Variants in SV2B observed in about 807,000 individuals in gnomAD.
The protein encoded by SV2B is synaptic vesicle glycoprotein 2B.
A neutral mutation model predicts 73.9 loss-of-function variants in SV2B; 41 were observed. The observed-to-expected ratio is 0.56, with a 90% CI of 0.43 to 0.72. The LOEUF is 0.72. SV2B is among the 30% of genes least tolerant of loss of function. SV2B has a pLI of 0.00. For missense variants in SV2B, 764 were observed against 857.8 expected (o/e 0.89, Z 1.37); for synonymous variants, 314 against 314.2 (o/e 1.00, Z 0.01).
chr15:91,202,453 TC>T (rs1269166304), intron 1 of SV2B, among the ~76,000 whole-genome samples: 1 of 152,256 alleles, frequency 6.6e-6, no homozygotes, highest in African/African-American at 2.4e-5. Flanking sequence ...CTTCTTATTT[TC>T]ACAAGATCTC....
chr15:91,120,872 C>A (rs1166254047), intron 1 of SV2B, among the ~76,000 whole-genome samples: 1 of 150,160 alleles, frequency 6.7e-6, no homozygotes, highest in Non-Finnish European at 1.5e-5. Context: ...GAACTTAATA[C>A]AATCTAGGCT....
rs756418200 is a variant in SV2B at position 91,130,599 on chromosome 15, C to G, written c.-392+30236C>G. On this transcript the variant is annotated intron_variant, in intron 1 of 12. Transcript: ENST00000394232. The surrounding 1 kb of genome is among the most constrained non-coding windows in gnomAD (Gnocchi z 5.6). ...GATTCCAAAGCAGGAGGGGTCTGAC[C>G]AAGTAGGTGTTCACGGAGGACAGGG... Among the ~76,000 whole-genome samples the G allele has an allele frequency of 5.9e-5, 9 of 151,926 alleles. No homozygotes were observed. The highest frequency in any genetic ancestry group is 2.6e-4 in the Admixed American group (4 of 15,238).
rs1195780379 is a variant in SV2B at position 91,197,538 on chromosome 15, T to C, written c.-391-28335T>C. On this transcript the variant is annotated intron_variant, in intron 1 of 12. Transcript: ENST00000394232. This position sits in a 1 kb window ranked among gnomAD's most constrained non-coding sequence, Gnocchi z 4.9. ...CGCGCCCAGCCATCATTGTTTTTAATAGAAGAAAAAAAAAACCAAACCAAA... is the reference window on the plus strand; with the variant it reads ...CGCGCCCAGCCATCATTGTTTTTAACAGAAGAAAAAAAAAACCAAACCAAA... 6.8e-6 allele frequency among the ~76,000 whole-genome samples: 1 copy of C among 147,092 alleles called. No individual in the cohort carries two copies. Among genetic ancestry groups the C allele is most frequent in the Non-Finnish European group, 1.5e-5 (1 of 67,126 alleles).
intron 1 of SV2B, among the ~76,000 whole-genome samples, chr15:91,179,936 T>C (rs1195046500): frequency 6.6e-6 from 1 of 151,398 alleles, no homozygotes; most frequent in East Asian, 2.0e-4. Flanking sequence ...CCTGTCGTTA[T>C]GATGTTAGCT....
At chr15:91,162,519 G>A (rs12916133) in intron 1 of SV2B, among the ~76,000 whole-genome samples, 53,553 of 130,268 alleles carry the variant, frequency 0.41, 10,116 homozygotes, top group East Asian at 0.67. Context: ...AGAAACATAA[G>A]ATAACACCTA....
intron 1 of SV2B, among the ~76,000 whole-genome samples, chr15:91,117,649 G>C (rs962270314): frequency 6.6e-6 from 1 of 152,184 alleles, no homozygotes; most frequent in African/African-American, 2.4e-5. Flanking sequence ...AACTGTCCTA[G>C]TATATTTAAA....
rs749332732 is a variant in SV2B at position 91,299,003 on chromosome 15, C to T, written c.*6451C>T. ...GGCCTATAAAAATAGCTTTCCAATT[C>T]GCCACCAAAAATGCAAAAATGACAA... is the stretch of plus-strand genomic sequence containing the variant. On this transcript the variant is annotated 3_prime_UTR_variant, in exon 13 of 13. Coordinates refer to ENST00000394232, the MANE Select transcript of SV2B (RefSeq NM_001323032.3). The T allele has an allele frequency of 1.3e-5, 2 of 152,076 alleles. No homozygotes were observed. Among genetic ancestry groups the T allele is most frequent in the African/African-American group, 2.4e-5 (1 of 41,392 alleles). The allele number at this position is 152,076 out of a possible 1,614,324, so 9.4% of individuals were successfully genotyped here.
At chr15:91,263,355 C>T (rs1390669858) in intron 6 of SV2B, among the ~76,000 whole-genome samples, 1 of 151,870 alleles carries the variant, frequency 6.6e-6, no homozygotes, top group African/African-American at 2.4e-5. Flanking sequence ...TGAAGACAGA[C>T]ACACAGACAC....
chr15:91,136,009 C>T lies in SV2B; in HGVS notation c.-392+35646C>T, dbSNP rs1357938524. On this transcript the variant is annotated intron_variant, in intron 1 of 12. Transcript: ENST00000394232. The surrounding 1 kb of genome is among the most constrained non-coding windows in gnomAD (Gnocchi z 5.6). ...CTCCCACTGCCTCTTCCCCAACACA[C>T]ACACTTGATTTTTTTTTTGGCATGT... Among the ~76,000 whole-genome samples the T allele has an allele frequency of 6.6e-6, 1 of 152,054 alleles. No homozygotes were observed. Among genetic ancestry groups the T allele is most frequent in the Non-Finnish European group, 1.5e-5 (1 of 68,040 alleles).
intron 1 of SV2B, among the ~76,000 whole-genome samples, chr15:91,131,576 A>T (rs934817020): frequency 6.6e-6 from 1 of 152,012 alleles, no homozygotes; most frequent in African/African-American, 2.4e-5. Context: ...AGGTAAAGGC[A>T]GAAGGATTGC....
Position 91,139,654 on chromosome 15 carries a change from G to A in SV2B, c.-392+39291G>A, listed in dbSNP as rs1381996427. The stretch of plus-strand genomic sequence containing the variant: ...GTCAGAGAAGGCAAAAGCAAATTCT[G>A]TCTGAAAGAGAGCACCCTCCATTTA... On this transcript the variant is annotated intron_variant, in intron 1 of 12. Transcript: ENST00000394232. This position sits in a 1 kb window ranked among gnomAD's most constrained non-coding sequence, Gnocchi z 5.2. 6.6e-6 allele frequency among the ~76,000 whole-genome samples: 1 copy of A among 152,196 alleles called. No homozygotes were observed. The highest frequency in any genetic ancestry group is 6.5e-5 in the Admixed American group (1 of 15,270).
chr15:91,156,578 C>T (rs1348872113), intron 1 of SV2B, among the ~76,000 whole-genome samples: 7 of 152,134 alleles, frequency 4.6e-5, no homozygotes, highest in Admixed American at 6.5e-5. Context: ...TGGGAAGCTG[C>T]GCAGGAGAGA....
Position 91,128,870 on chromosome 15 carries a change from A to G in SV2B, c.-392+28507A>G, listed in dbSNP as rs914038333. 1.4e-4 allele frequency: 21 copies of G among 152,214 alleles called. No individual in the cohort carries two copies. Among genetic ancestry groups the G allele is most frequent in the African/African-American group, 5.1e-4 (21 of 41,454 alleles). 9.4% of individuals were successfully genotyped at this position (152,214 alleles called of 1,614,324 possible). On this transcript the variant is annotated intron_variant, in intron 1 of 12. Coordinates refer to ENST00000394232, the MANE Select transcript of SV2B (RefSeq NM_001323032.3). This position sits in a 1 kb window ranked among gnomAD's most constrained non-coding sequence, Gnocchi z 4.2. The stretch of plus-strand genomic sequence containing the variant: ...CACTAGATCCTATCCTTTTTGTCCA[A>G]TCATATTTCTCCATGGCTGTCTATA...
At chr15:91,158,136 C>A (rs1233068679) in intron 1 of SV2B, among the ~76,000 whole-genome samples, 1 of 152,106 alleles carries the variant, frequency 6.6e-6, no homozygotes, top group Non-Finnish European at 1.5e-5. Flanking sequence ...AATTTGACTC[C>A]CAATGTGATG....
chr15:91,271,988 C>T lies in SV2B; in HGVS notation c.1373+3383C>T, dbSNP rs1025680620. ...ATTATTTTTTGTAAACAGAGCTTCA[C>T]CCACGGAAGTTGTTGACAAAGGAAA... On this transcript the variant is annotated intron_variant, in intron 9 of 12. Coordinates refer to ENST00000394232, the MANE Select transcript of SV2B (RefSeq NM_001323032.3). Among the ~76,000 whole-genome samples, 10 of 152,178 alleles carry T rather than the reference C, an allele frequency of 6.6e-5. No individual in the cohort carries two copies. The East Asian group carries it at 1.9e-3, about 29-fold the overall frequency.
chr15:91,251,254 AAG>A (rs2047470538), intron 2 of SV2B, among the ~76,000 whole-genome samples: 1 of 152,252 alleles, frequency 6.6e-6, no homozygotes, highest in Non-Finnish European at 1.5e-5. Flanking sequence ...TTACATGCAG[AAG>A]AATGAAACTG....
intron 9 of SV2B, among the ~76,000 whole-genome samples, chr15:91,271,356 T>C (rs2048313285): frequency 6.6e-6 from 1 of 152,124 alleles, no homozygotes; most frequent in Non-Finnish European, 1.5e-5. Context: ...GTAGTGACAA[T>C]GAAATTGCTA....
In SV2B at chr15:91,267,043, G is replaced by A. The variant is rs1296596125; in HGVS notation, c.1119+351G>A. On this transcript the variant is annotated intron_variant, in intron 7 of 12. Coordinates refer to ENST00000394232, the MANE Select transcript of SV2B (RefSeq NM_001323032.3). This position sits in a 1 kb window ranked among gnomAD's most constrained non-coding sequence, Gnocchi z 4.3. The stretch of plus-strand genomic sequence containing the variant: ...GTGAGTAAAATAAATGACCCCTTGA[G>A]GCTTGTTCTTGATTTCCAAGAAACA... 5.2e-6 allele frequency: 1 copy of A among 194,092 alleles called. No individual in the cohort carries two copies. Among genetic ancestry groups the A allele is most frequent in the Non-Finnish European group, 1.0e-5 (1 of 95,570 alleles). The allele number at this position is 194,092 out of a possible 1,614,324, so 12.0% of individuals were successfully genotyped here. A position where few individuals can be genotyped will look rare whatever the true frequency, so the allele number is the denominator to read the frequency against.
At chr15:91,131,139 GT>G (rs2042631386) in intron 1 of SV2B, among the ~76,000 whole-genome samples, 1 of 124,822 alleles carries the variant, frequency 8.0e-6, no homozygotes, top group Non-Finnish European at 1.7e-5. Flanking sequence ...GGGAAAAGAT[GT>G]TTTCTTGTTT....
Sources: allele counts gnomAD v4.1 joint callset (sites outside exome capture counted in the v4.1 genomes callset), GRCh38; gene constraint gnomAD v4.1.1; non-coding constraint Gnocchi (gnomAD v3.1); transcripts MANE v1.5; gene names NCBI Gene and HGNC (gene_info 2026-07-23, HGNC 2026-07-21).